NDUFA9: variants seen among roughly 807,000 people sequenced by gnomAD.
NDUFA9 encodes NADH dehydrogenase [ubiquinone] 1 alpha subcomplex subunit 9, mitochondrial.
A neutral mutation model predicts 45.9 loss-of-function variants in NDUFA9; 23 were observed. That is an observed-to-expected ratio of 0.50 (90% confidence interval 0.36 to 0.71). The LOEUF is 0.71. Ranked by LOEUF, NDUFA9 falls within the 30% of genes least tolerant of loss-of-function variation. The pLI is 0.00. For missense variants in NDUFA9, 466 were observed against 488.2 expected, an observed-to-expected ratio of 0.95 and a Z score of 0.43; for synonymous variants, 176 against 170.5, an observed-to-expected ratio of 1.03 and a Z score of -0.25.
At chr12:4,653,655 G>C (rs1945772210) in intron 1 of NDUFA9, 1 of 443,130 alleles carries the variant, frequency 2.3e-6, no homozygotes, top group Non-Finnish European at 4.5e-6. Context: ...ATCATTATTT[G>C]TGATGTTCTT....
chr12:4,670,795 A>G (rs552703766), intron 8 of NDUFA9, among the ~76,000 whole-genome samples: 3 of 152,364 alleles, frequency 2.0e-5, no homozygotes, highest in East Asian at 3.9e-4. Flanking sequence ...ACAATTCAAT[A>G]TATTCAATAC....
At chr12:4,664,389 C>T (rs962792845) in intron 6 of NDUFA9, among the ~76,000 whole-genome samples, 1 of 152,246 alleles carries the variant, frequency 6.6e-6, no homozygotes, top group Non-Finnish European at 1.5e-5. Flanking sequence ...TTCTGATATC[C>T]TACAGGACCA....
At position 4,690,398 on chromosome 12, in the gene NDUFA9, C is replaced by T. The variant is rs1303217997; in HGVS notation, c.*3290C>T. On this transcript the variant is annotated 3_prime_UTR_variant, in exon 11 of 11. Coordinates refer to ENST00000266544, the MANE Select transcript of NDUFA9 (RefSeq NM_005002.5). ...CTTAAGATCATCTCACATTCTTCAT[C>T]CTAATGACAAAAATAAGTTCTATGG... 6.6e-6 allele frequency: 1 copy of T among 152,214 alleles called. No homozygotes were observed. The highest frequency in any genetic ancestry group is 1.5e-5 in the Non-Finnish European group (1 of 68,060). The allele number at this position is 152,214 out of a possible 1,614,324, so 9.4% of individuals were successfully genotyped here. A position where few individuals can be genotyped will look rare whatever the true frequency, so the allele number is the denominator to read the frequency against.
At position 4,664,964 on chromosome 12, in the gene NDUFA9, A is replaced by G. The variant is rs1045396223; in HGVS notation, c.655+2329A>G. 5.3e-5 allele frequency among the ~76,000 whole-genome samples: 8 copies of G among 152,174 alleles called. No homozygotes were observed. The East Asian group carries it at 1.4e-3, about 26-fold the overall frequency. On this transcript the variant is annotated intron_variant, in intron 6 of 10. Coordinates refer to ENST00000266544, the MANE Select transcript of NDUFA9 (RefSeq NM_005002.5). ...TATCTTATGCCTGTCTCACGGCTGT[A>G]TTTTGGAAGCACATAACTTGTCTGG... is the stretch of plus-strand genomic sequence containing the variant.
At chr12:4,660,382 C>A (rs192979041) in intron 5 of NDUFA9, among the ~76,000 whole-genome samples, 105 of 152,266 alleles carry the variant, frequency 6.9e-4, no homozygotes, top group African/African-American at 2.3e-3. Flanking sequence ...TTTGGACTCA[C>A]GTTTCAGGTG....
intron 8 of NDUFA9, among the ~76,000 whole-genome samples, chr12:4,675,946 C>T (rs776140496): frequency 4.6e-5 from 7 of 152,090 alleles, no homozygotes; most frequent in African/African-American, 1.4e-4. Flanking sequence ...TTATCCAGCA[C>T]GATAAAGTTG....
intron 8 of NDUFA9, among the ~76,000 whole-genome samples, chr12:4,678,802 G>C (rs1945935883): frequency 6.6e-6 from 1 of 152,174 alleles, no homozygotes; most frequent in Non-Finnish European, 1.5e-5. Flanking sequence ...GGAGTAATGA[G>C]AACCTTCATA....
rs186130552 is a variant in NDUFA9, at chr12:4,665,588, C to T, written c.656-2869C>T. 6.5e-4 allele frequency among the ~76,000 whole-genome samples: 99 copies of T among 152,296 alleles called. 1 individual carries two copies. The highest frequency in any genetic ancestry group is 2.3e-3 in the African/African-American group (96 of 41,550). On this transcript the variant is annotated intron_variant, in intron 6 of 10. Transcript: ENST00000266544. Reference sequence around the variant, plus strand: ...TGATTTCAGTTATTTGGTGTATGTACTGAGAAGTGGAATTCTGTAGCATAT... The same window carrying T: ...TGATTTCAGTTATTTGGTGTATGTATTGAGAAGTGGAATTCTGTAGCATAT...
At position 4,687,202 on chromosome 12, in the gene NDUFA9, A is replaced by G. The variant is rs555528146; in HGVS notation, c.*94A>G. ...GCGGTCTCTTTAGAGGATCCTGTAC[A>G]CAGTTCCACTATTAAAACATTTCAG... is the stretch of plus-strand genomic sequence containing the variant. On this transcript the variant is annotated 3_prime_UTR_variant, in exon 11 of 11. Transcript: ENST00000266544. 20 of 1,158,336 alleles carry G rather than the reference A, an allele frequency of 1.7e-5. No individual in the cohort carries two copies. Among genetic ancestry groups the G allele is most frequent in the Non-Finnish European group, 2.4e-5 (20 of 833,812 alleles). The allele number at this position is 1,158,336 out of a possible 1,614,324, so 71.8% of individuals were successfully genotyped here.
At chr12:4,685,995 G>A (rs1316689690) in intron 10 of NDUFA9, among the ~76,000 whole-genome samples, 3 of 152,256 alleles carry the variant, frequency 2.0e-5, no homozygotes, top group Non-Finnish European at 1.5e-5. Context: ...GAGAAGATGA[G>A]AAAGTAGTGC....
At chr12:4,662,003 A>G (rs1241836137) in intron 5 of NDUFA9, among the ~76,000 whole-genome samples, 1 of 152,146 alleles carries the variant, frequency 6.6e-6, no homozygotes, top group Non-Finnish European at 1.5e-5. Flanking sequence ...GGAAGACTGA[A>G]TTAGGTGCTG....
At chr12:4,677,514 C>T (rs1032674043) in intron 8 of NDUFA9, among the ~76,000 whole-genome samples, 7 of 152,188 alleles carry the variant, frequency 4.6e-5, no homozygotes. Flanking sequence ...CAAAAGAAGA[C>T]ATTTATGCAG....
In NDUFA9 at chr12:4,657,854, C is replaced by G. The variant is rs1010515195; in HGVS notation, c.410+15C>G. The G allele has an allele frequency of 1.3e-6, 2 of 1,581,566 alleles. No individual in the cohort carries two copies. Among genetic ancestry groups the G allele is most frequent in the Admixed American group, 1.7e-5 (1 of 59,964 alleles). On this transcript the variant is annotated intron_variant, in intron 4 of 10. Coordinates refer to ENST00000266544, the MANE Select transcript of NDUFA9 (RefSeq NM_005002.5). ...TGGGAAACCAAGTAAGTCTTTGACT[C>G]TTGTTTCTTCTTTGCTTAAGTCTTT...
At chr12:4,663,074 T>C (rs1945832928) in intron 6 of NDUFA9, among the ~76,000 whole-genome samples, 1 of 152,210 alleles carries the variant, frequency 6.6e-6, no homozygotes, top group Admixed American at 6.5e-5. Context: ...GTTAGAATCA[T>C]TGCAGTATGT....
intron 3 of NDUFA9, chr12:4,655,583 C>G (rs1945785029): frequency 6.6e-6 from 1 of 151,482 alleles, no homozygotes; most frequent in African/African-American, 2.4e-5. Flanking sequence ...TCTTTTTTAC[C>G]TATGTGCCTC....
intron 6 of NDUFA9, among the ~76,000 whole-genome samples, chr12:4,668,050 A>G (rs183824508): frequency 3.6e-4 from 55 of 152,294 alleles, no homozygotes; most frequent in African/African-American, 1.2e-3. Flanking sequence ...CTGTTGATAC[A>G]GCAGCAGAAC....
chr12:4,684,821 T>C (rs1278175693), intron 9 of NDUFA9, among the ~76,000 whole-genome samples: 2 of 151,502 alleles, frequency 1.3e-5, no homozygotes, highest in African/African-American at 4.8e-5. Flanking sequence ...TTTTTTTTTT[T>C]CCTCAAGGGC....
chr12:4,657,821 G>A lies in NDUFA9; in HGVS notation c.392G>A (p.Gly131Glu), dbSNP rs373552358. Residue 131 changes from glycine (G) to glutamate (E), a missense_variant, in exon 4 of 11, where the codon GGA becomes GAA. By Grantham distance (98) the Gly-to-Glu change is moderately conservative. Transcript: ENST00000266544. ...AGCAATGTGGTCATCAATCTTATTG[G>A]ACGAGACTGGGAAACCAAGTAAGTC... ...QHSNVVINLI[G>E]RDWETKNFDF... 1 of 1,613,046 alleles carries A rather than the reference G, an allele frequency of 6.2e-7. No individual in the cohort carries two copies. Among genetic ancestry groups the A allele is most frequent in the Non-Finnish European group, 8.5e-7 (1 of 1,179,184 alleles).
intron 8 of NDUFA9, among the ~76,000 whole-genome samples, chr12:4,676,563 A>G (rs536880400): frequency 6.6e-6 from 1 of 152,220 alleles, no homozygotes; most frequent in Admixed American, 6.5e-5. Context: ...AAGAGAATAA[A>G]ATATCTAGGA....
Sources: gnomAD v4.1 joint callset for allele counts (sites outside exome capture counted in the v4.1 genomes callset) on GRCh38, gnomAD v4.1.1 for gene constraint, MANE v1.5 for transcripts, NCBI Gene and HGNC (gene_info 2026-07-23, HGNC 2026-07-21) for gene names.